DLG1: variants seen among roughly 807,000 people sequenced by gnomAD.
DLG1 encodes the protein disks large homolog 1.
DLG1 carries 42 observed loss-of-function variants against 123.4 expected under a neutral mutation model. The ratio of observed to expected loss-of-function variants is 0.34; its 90% CI spans 0.27 to 0.44. The LOEUF is 0.44. DLG1 is among the 20% of genes least tolerant of loss of function. The pLI is 1.00. For synonymous variants in DLG1, 317 were observed against 356.2 expected, an observed-to-expected ratio of 0.89 and a Z score of 1.24; for missense variants, 942 against 1,082.6, an observed-to-expected ratio of 0.87 and a Z score of 1.82.
chr3:197,135,732 C>G (rs1475991048), intron 10 of DLG1, among the ~76,000 whole-genome samples: 1 of 151,960 alleles, frequency 6.6e-6, no homozygotes, highest in African/African-American at 2.4e-5. Flanking sequence ...AGATGAAAGT[C>G]TCATACAGTG....
At chr3:197,263,775 G>GGACTCCAT (rs753274234) in intron 4 of DLG1, among the ~76,000 whole-genome samples, 61 of 152,040 alleles carry the variant, frequency 4.0e-4, no homozygotes, top group Non-Finnish European at 7.8e-4. Context: ...CGACAAAGTG[G>GGACTCCAT]GACTCCATCT....
chr3:197,205,211 C>T (rs1012747335), intron 4 of DLG1, among the ~76,000 whole-genome samples: 1 of 151,890 alleles, frequency 6.6e-6, no homozygotes, highest in African/African-American at 2.4e-5. Context: ...AAATACAATA[C>T]GAACAAAATT....
intron 9 of DLG1, 95 bp downstream of exon 9, chr3:197,138,127 T>C (rs1177044298): frequency 9.0e-6 from 6 of 663,426 alleles, no homozygotes; most frequent in Non-Finnish European, 1.4e-5. Context: ...ATATTACTAA[T>C]ACTGTACTTG....
At chr3:197,104,385 T>C (rs567394118) in intron 14 of DLG1, among the ~76,000 whole-genome samples, 1 of 152,236 alleles carries the variant, frequency 6.6e-6, no homozygotes, top group South Asian at 2.1e-4. Context: ...TCCCACATCA[T>C]TAAAAAATAC....
intron 15 of DLG1, among the ~76,000 whole-genome samples, chr3:197,088,232 A>C (rs1315541181): frequency 6.6e-6 from 1 of 152,208 alleles, no homozygotes; most frequent in African/African-American, 2.4e-5. Flanking sequence ...GCCTTATATA[A>C]AACACTAAAG....
chr3:197,115,999 A>C lies in DLG1; in HGVS notation c.1371T>G (p.Phe457Leu). 6.2e-7 allele frequency: 1 copy of C among 1,613,252 alleles called. No individual in the cohort carries two copies. Among genetic ancestry groups the C allele is most frequent in the Non-Finnish European group, 8.5e-7 (1 of 1,179,528 alleles). The change falls in exon 13 of 25, where the codon TTT becomes TTG. Residue 457 changes from phenylalanine to leucine, a missense_variant. Physicochemically the swap from Phe to Leu is conservative, Grantham distance 22 (BLOSUM62 0). Coordinates refer to ENST00000667157, the MANE Select transcript of DLG1 (RefSeq NM_001366207.1). ...IVGGEDGEGIFISFILAGGPA... is the reference protein window; with the variant it reads ...IVGGEDGEGILISFILAGGPA... ...GTCCTCCGGCTAAGATAAAGGAAAT[A>C]AATATTCCTTCTCCATCTTCTCCTC... is the stretch of plus-strand genomic sequence containing the variant.
rs1166144618 is a variant in DLG1 at position 197,044,438 on chromosome 3, A to C, written c.*185T>G. The C allele has an allele frequency of 2.4e-5, 10 of 423,822 alleles. No homozygotes were observed. In the East Asian group the frequency reaches 3.6e-4, roughly 15 times the overall value. The allele number at this position is 423,822 out of a possible 1,614,324, so 26.3% of individuals were successfully genotyped here. ...GAAAAATGGCCACTAACCAATAGTG[A>C]CATTAAATAATACACACGATGTAAC... On this transcript the variant is annotated 3_prime_UTR_variant, in exon 25 of 25. Coordinates refer to ENST00000667157, the MANE Select transcript of DLG1 (RefSeq NM_001366207.1).
rs765556403 is a variant in DLG1, at chr3:197,237,365, C to T, written c.319-42776G>A. ...GCTGAAGAAATGAGCAACCCAGAAA[C>T]GCCAATGGTACAGACCTACCTTGTG... On this transcript the variant is annotated intron_variant, in intron 4 of 24. Coordinates refer to ENST00000667157, the MANE Select transcript of DLG1 (RefSeq NM_001366207.1). Among the ~76,000 whole-genome samples the T allele has an allele frequency of 5.9e-5, 9 of 152,280 alleles. 1 individual carries two copies. Among genetic ancestry groups the T allele is most frequent in the African/African-American group, 1.9e-4 (8 of 41,548 alleles).
chr3:197,271,965 C>T (rs924204866), intron 4 of DLG1, among the ~76,000 whole-genome samples: 1 of 152,150 alleles, frequency 6.6e-6, no homozygotes, highest in Non-Finnish European at 1.5e-5. Context: ...ATGCACACAC[C>T]TCAGACATCT....
intron 4 of DLG1, among the ~76,000 whole-genome samples, chr3:197,258,539 A>T (rs1202143304): frequency 6.6e-6 from 1 of 151,468 alleles, no homozygotes; most frequent in Non-Finnish European, 1.5e-5. Flanking sequence ...TACCTAGTTC[A>T]CCGTGCCTAC....
rs368567166 is a variant in DLG1, at chr3:197,044,703, C to T, written c.2602G>A (p.Asp868Asn). The change falls in exon 25 of 25, where the codon GAC becomes AAC. Residue 868 changes from aspartate (D) to asparagine (N), a missense_variant. Transcript: ENST00000667157. ...TAIVQGDTLE[D>N]IYNQVKQIIE... ...ATCTGTTTCACTTGGTTGTAAATGT[C>T]TTCCAGCGTATCCCCCTGTACAATA... 5.6e-6 allele frequency: 9 copies of T among 1,606,646 alleles called. No homozygotes were observed. In the South Asian group the frequency reaches 1.0e-4, roughly 18 times the overall value.
intron 4 of DLG1, among the ~76,000 whole-genome samples, chr3:197,217,252 G>A (rs1018662262): frequency 6.6e-6 from 1 of 152,168 alleles, no homozygotes; most frequent in African/African-American, 2.4e-5. Context: ...AAAGGTGGAT[G>A]AAAGGAAACA....
intron 4 of DLG1, among the ~76,000 whole-genome samples, chr3:197,235,908 T>C (rs982638775): frequency 2.0e-5 from 3 of 152,128 alleles, no homozygotes; most frequent in Admixed American, 6.6e-5. Flanking sequence ...AAAACATGAA[T>C]ATCATGACAG....
rs753802140 is a variant in DLG1 at position 197,043,598 on chromosome 3, T to C, written c.*1025A>G. Reference sequence around the variant, plus strand: ...AAATATATATATATGTTTGTGTGTGTGCGCAACTATGTAAAGAAAATAATT... The same window carrying C: ...AAATATATATATATGTTTGTGTGTGCGCGCAACTATGTAAAGAAAATAATT... On this transcript the variant is annotated 3_prime_UTR_variant, in exon 25 of 25. Coordinates refer to ENST00000667157, the MANE Select transcript of DLG1 (RefSeq NM_001366207.1). 17 of 151,500 alleles carry C rather than the reference T, an allele frequency of 1.1e-4. No homozygotes were observed. The East Asian group carries it at 1.2e-3, about 10-fold the overall frequency. The allele number at this position is 151,500 out of a possible 1,614,324, so 9.4% of individuals were successfully genotyped here. A position where few individuals can be genotyped will look rare whatever the true frequency, so the allele number is the denominator to read the frequency against.
At position 197,296,493 on chromosome 3, in the gene DLG1, A is replaced by G. The variant is rs764157383; in HGVS notation, c.20-16T>C. On this transcript the variant is annotated splice_polypyrimidine_tract_variant and intron_variant, in intron 2 of 24. Transcript: ENST00000667157. ...CTCTGGGTATCTGAGAAGAAAAAGC[A>G]GAGCCTGATTAAAACTCTCTATTTA... 6.2e-6 allele frequency: 10 copies of G among 1,612,108 alleles called. No homozygotes were observed. Among genetic ancestry groups the G allele is most frequent in the African/African-American group, 5.3e-5 (4 of 74,882 alleles).
chr3:197,066,643 C>T, intron 20 of DLG1, 61 bp downstream of exon 20: 4 of 1,309,804 alleles, frequency 3.1e-6, no homozygotes, highest in South Asian at 1.5e-5. Context: ...GAATTTTTTT[C>T]CCCCAAATTA....
chr3:197,144,802 A>G (rs1160405184), intron 6 of DLG1, among the ~76,000 whole-genome samples: 1 of 151,950 alleles, frequency 6.6e-6, no homozygotes, highest in African/African-American at 2.4e-5. Flanking sequence ...TTCCTCTTAG[A>G]GATTATATGT....
intron 4 of DLG1, among the ~76,000 whole-genome samples, chr3:197,275,031 A>T (rs1371926460): frequency 2.6e-5 from 4 of 152,080 alleles, no homozygotes; most frequent in South Asian, 2.1e-4. Context: ...AAAAATATTT[A>T]AAAAATTAGC....
At chr3:197,288,142 G>C (rs980540661) in intron 3 of DLG1, among the ~76,000 whole-genome samples, 3 of 152,020 alleles carry the variant, frequency 2.0e-5, no homozygotes, top group African/African-American at 7.3e-5. Context: ...GAAGCAGGCA[G>C]ATCAGGAGGT....
Sources: allele counts gnomAD v4.1 joint callset (sites outside exome capture counted in the v4.1 genomes callset), GRCh38; gene constraint gnomAD v4.1.1; transcripts MANE v1.5; gene names NCBI Gene and HGNC (gene_info 2026-07-23, HGNC 2026-07-21).